Variants in CSMD3 observed in about 807,000 individuals in gnomAD.
CSMD3 encodes the protein CUB and Sushi multiple domains 3, also known as CUB and sushi domain-containing protein 3.
A neutral mutation model predicts 435.2 loss-of-function variants in CSMD3; 177 were observed. The ratio of observed to expected loss-of-function variants is 0.41; its 90% CI spans 0.36 to 0.46. The LOEUF is 0.46. CSMD3 is among the 20% of genes least tolerant of loss of function. The pLI is 0.34. For missense variants in CSMD3, 4,265 were observed against 4,504.6 expected, an observed-to-expected ratio of 0.95 and a Z score of 1.52; for synonymous variants, 1,656 against 1,520.5, an observed-to-expected ratio of 1.09 and a Z score of -2.07.
At chr8:113,413,448 T>C (rs2094568373) in intron 1 of CSMD3, among the ~76,000 whole-genome samples, 1 of 152,128 alleles carries the variant, frequency 6.6e-6, no homozygotes, top group Non-Finnish European at 1.5e-5. Flanking sequence ...AGTCAAGGTA[T>C]TTAAAATCCA....
At chr8:112,603,940 A>T (rs1392701791) in intron 22 of CSMD3, among the ~76,000 whole-genome samples, 1 of 152,204 alleles carries the variant, frequency 6.6e-6, no homozygotes, top group Non-Finnish European at 1.5e-5. Flanking sequence ...AAGTTAATTT[A>T]TGAGAAATAA....
intron 13 of CSMD3, among the ~76,000 whole-genome samples, chr8:112,730,752 C>G (rs2077057712): frequency 1.3e-5 from 2 of 151,962 alleles, no homozygotes. Context: ...TTTTCCTTGT[C>G]ATGCAATGAT....
At chr8:113,047,723 G>A in intron 5 of CSMD3, among the ~76,000 whole-genome samples, 1 of 152,114 alleles carries the variant, frequency 6.6e-6, no homozygotes, top group Non-Finnish European at 1.5e-5. Context: ...GAGAATTTGT[G>A]AATGCTTAAA....
intron 1 of CSMD3, among the ~76,000 whole-genome samples, chr8:113,433,273 G>C (rs2094686092): frequency 6.6e-6 from 1 of 152,134 alleles, no homozygotes; most frequent in African/African-American, 2.4e-5. Flanking sequence ...CTCAAGCTGA[G>C]ACAGATATTT....
intron 60 of CSMD3, among the ~76,000 whole-genome samples, chr8:112,264,190 C>A (rs1328907984): frequency 6.6e-6 from 1 of 151,998 alleles, no homozygotes; most frequent in Non-Finnish European, 1.5e-5. Context: ...GGTTGTTTAA[C>A]TATATATAGT....
intron 4 of CSMD3, among the ~76,000 whole-genome samples, chr8:113,105,281 C>G (rs2090442534): frequency 6.6e-6 from 1 of 151,848 alleles, no homozygotes; most frequent in African/African-American, 2.4e-5. Context: ...GAAGGAGAGC[C>G]CTATTATCAC....
At chr8:112,535,814 C>T (rs1353497361) in intron 27 of CSMD3, among the ~76,000 whole-genome samples, 4 of 152,180 alleles carry the variant, frequency 2.6e-5, no homozygotes, top group East Asian at 3.9e-4. Context: ...GTACTGGTAA[C>T]AAAACAGAGA....
At chr8:112,960,072 A>T (rs1218623312) in intron 7 of CSMD3, among the ~76,000 whole-genome samples, 1 of 151,864 alleles carries the variant, frequency 6.6e-6, no homozygotes, top group Non-Finnish European at 1.5e-5. Flanking sequence ...CCAGAGATTT[A>T]AATGTGTAGG....
chr8:112,435,968 T>G (rs1814293622), intron 32 of CSMD3, among the ~76,000 whole-genome samples: 1 of 151,980 alleles, frequency 6.6e-6, no homozygotes, highest in African/African-American at 2.4e-5. Context: ...CCATTAAATT[T>G]GAACATAATT....
At chr8:112,238,714 A>T (rs988121704) in intron 66 of CSMD3, among the ~76,000 whole-genome samples, 1 of 151,718 alleles carries the variant, frequency 6.6e-6, no homozygotes, top group Non-Finnish European at 1.5e-5. Flanking sequence ...AAATTTTTAA[A>T]TTTATAATTT....
At chr8:112,312,114 A>G (rs553830558) in intron 49 of CSMD3, among the ~76,000 whole-genome samples, 2 of 152,306 alleles carry the variant, frequency 1.3e-5, no homozygotes, top group East Asian at 1.9e-4. Flanking sequence ...GTTATCATGT[A>G]TCATGAATTT....
chr8:112,977,229 T>C (rs910465739), intron 6 of CSMD3, among the ~76,000 whole-genome samples: 2 of 151,984 alleles, frequency 1.3e-5, no homozygotes, highest in African/African-American at 4.8e-5. Context: ...AAAAAAAATA[T>C]TGAAATTTGG....
chr8:113,033,209 C>T (rs958940053), intron 5 of CSMD3, among the ~76,000 whole-genome samples: 1 of 151,606 alleles, frequency 6.6e-6, no homozygotes, highest in Non-Finnish European at 1.5e-5. Context: ...GAGAAGAGGG[C>T]CACCATCCTG....
intron 4 of CSMD3, among the ~76,000 whole-genome samples, chr8:113,159,359 G>A (rs577840034): frequency 2.8e-4 from 43 of 151,902 alleles, no homozygotes; most frequent in Non-Finnish European, 4.3e-4. Context: ...TATACTTTCT[G>A]GCACTTCCTG....
chr8:113,090,597 GC>G (rs1487025300), intron 5 of CSMD3, among the ~76,000 whole-genome samples: 1 of 152,060 alleles, frequency 6.6e-6, no homozygotes, highest in Non-Finnish European at 1.5e-5. Context: ...GAGGCAAACT[GC>G]TTTGGAAGCC....
At chr8:112,322,121 G>A (rs1230437496) in intron 45 of CSMD3, among the ~76,000 whole-genome samples, 1 of 152,030 alleles carries the variant, frequency 6.6e-6, no homozygotes, top group Non-Finnish European at 1.5e-5. Flanking sequence ...ATGTAGAGAT[G>A]CTCATACCTG....
At chr8:113,039,770 A>C (rs974293312) in intron 5 of CSMD3, among the ~76,000 whole-genome samples, 4 of 152,188 alleles carry the variant, frequency 2.6e-5, no homozygotes, top group Admixed American at 2.6e-4. Context: ...TGGCAACAAA[A>C]ATTTTAATAA....
At chr8:112,743,296 CAAAA>C (rs372456900) in intron 13 of CSMD3, among the ~76,000 whole-genome samples, 3,840 of 141,230 alleles carry the variant, frequency 0.027, 78 homozygotes, top group East Asian at 0.077. Flanking sequence ...ACATTCTCAC[CAAAA>C]AAAAAAAATA....
chr8:112,412,030 C>CCTG, intron 32 of CSMD3, among the ~76,000 whole-genome samples: 1 of 152,122 alleles, frequency 6.6e-6, no homozygotes, highest in South Asian at 2.1e-4. Context: ...TTTGTAAATT[C>CCTG]ATTTTAACAT....
Sources: gnomAD v4.1 joint callset for allele counts (sites outside exome capture counted in the v4.1 genomes callset) on GRCh38, gnomAD v4.1.1 for gene constraint, MANE v1.5 for transcripts, NCBI Gene and HGNC (gene_info 2026-07-23, HGNC 2026-07-21) for gene names.